The following LYRM4 variants were observed in gnomAD, a reference collection of about 807,000 sequenced individuals.
LYRM4 encodes the protein LYR motif containing 4, also known as LYR motif-containing protein 4.
In LYRM4, 9 loss-of-function variants were observed where a neutral mutation model predicts 11.7. The ratio of observed to expected loss-of-function variants is 0.77; its 90% confidence interval spans 0.46 to 1.34. The LOEUF (loss-of-function observed/expected upper bound fraction) is 1.34, where lower values mean the gene tolerates loss of function less well. Ranked by LOEUF, LYRM4 falls within the 40% of genes most tolerant of loss-of-function variation. The pLI, the probability that LYRM4 is intolerant of heterozygous loss-of-function variation, is 0.00. For missense variants in LYRM4, 133 were observed against 112.5 expected (o/e 1.18, Z -0.82); for synonymous variants, 42 against 40.4 (o/e 1.04, Z -0.15).
the LYRM4 span, among the ~76,000 whole-genome samples, chr6:5,038,931 A>G: frequency 4.3e-4 from 4 of 9,332 alleles, no homozygotes; most frequent in African/African-American, 9.3e-4. Flanking sequence ...AGGGAGAGGG[A>G]GAGCTTTAGC....
chr6:5,257,296 G>A (rs1443661909), intron 1 of LYRM4, among the ~76,000 whole-genome samples: 1 of 152,032 alleles, frequency 6.6e-6, no homozygotes, highest in Non-Finnish European at 1.5e-5. Flanking sequence ...GTGCTGTGCT[G>A]TTTGCCTGCC....
chr6:5,133,092 A>G (rs1015554591), intron 2 of LYRM4, among the ~76,000 whole-genome samples: 2 of 152,292 alleles, frequency 1.3e-5, no homozygotes, highest in East Asian at 3.9e-4. Flanking sequence ...TGTGTTGGGC[A>G]GGGTGTGTGT....
chr6:5,176,658 G>A (rs993194248), intron 2 of LYRM4, among the ~76,000 whole-genome samples: 5 of 152,192 alleles, frequency 3.3e-5, no homozygotes, highest in African/African-American at 1.2e-4. Context: ...GAGGCCTGAA[G>A]CACTGAAGGA....
intron 2 of LYRM4, among the ~76,000 whole-genome samples, chr6:5,148,669 C>CTG (rs1190009476): frequency 6.7e-6 from 1 of 148,524 alleles, no homozygotes; most frequent in Non-Finnish European, 1.5e-5. Context: ...ACACCTCTCT[C>CTG]TCTCTCTCTC....
the LYRM4 span, among the ~76,000 whole-genome samples, chr6:5,037,545 C>G: frequency 0.013 from 713 of 55,332 alleles, no homozygotes; most frequent in Middle Eastern, 0.075. Context: ...AGACGGGGTC[C>G]TGGCCGGGCA....
chr6:5,057,216 T>G, the LYRM4 span, among the ~76,000 whole-genome samples: 1 of 152,062 alleles, frequency 6.6e-6, no homozygotes, highest in African/African-American at 2.4e-5. Flanking sequence ...CTAGGAGACC[T>G]GGGGGCCCAC....
the LYRM4 span, among the ~76,000 whole-genome samples, chr6:5,091,336 T>G: frequency 6.6e-6 from 1 of 152,200 alleles, no homozygotes; most frequent in African/African-American, 2.4e-5. Context: ...CACTGTTTTT[T>G]GCTTCCAGAC....
the LYRM4 span, among the ~76,000 whole-genome samples, chr6:5,079,966 A>G: frequency 6.6e-6 from 1 of 152,236 alleles, no homozygotes; most frequent in Non-Finnish European, 1.5e-5. Flanking sequence ...TGACTGGAAT[A>G]CTTCCAATGT....
chr6:5,081,240 A>G, the LYRM4 span, among the ~76,000 whole-genome samples: 1 of 151,922 alleles, frequency 6.6e-6, no homozygotes, highest in Non-Finnish European at 1.5e-5. Context: ...CAGAGTAGAG[A>G]AGACCTGGGC....
At chr6:5,210,036 GA>G (rs1761912786) in intron 2 of LYRM4, among the ~76,000 whole-genome samples, 1 of 152,210 alleles carries the variant, frequency 6.6e-6, no homozygotes, top group African/African-American at 2.4e-5. Context: ...CAATATGAAT[GA>G]AATAATTCAA....
At chr6:5,055,829 C>A in the LYRM4 span, among the ~76,000 whole-genome samples, 4 of 152,154 alleles carry the variant, frequency 2.6e-5, no homozygotes, top group Non-Finnish European at 5.9e-5. The surrounding 1 kb of genome is among the most constrained non-coding windows in gnomAD (Gnocchi z 4.5). Flanking sequence ...AAGGGACTCA[C>A]CAACATAACC....
At chr6:5,256,264 C>T (rs573387686) in intron 1 of LYRM4, among the ~76,000 whole-genome samples, 11 of 151,694 alleles carry the variant, frequency 7.3e-5, no homozygotes, top group South Asian at 2.1e-4. Context: ...CCGAGGTGGG[C>T]GGATCACCTT....
intron 2 of LYRM4, among the ~76,000 whole-genome samples, chr6:5,178,254 G>T (rs1759837116): frequency 6.6e-6 from 1 of 152,076 alleles, no homozygotes; most frequent in South Asian, 2.1e-4. Flanking sequence ...TCAGAGTCAA[G>T]TATGAAGAAA....
At chr6:5,072,647 C>T in the LYRM4 span, among the ~76,000 whole-genome samples, 6 of 150,448 alleles carry the variant, frequency 4.0e-5, no homozygotes, top group African/African-American at 1.2e-4. Context: ...GGCACGATCT[C>T]GGCTCACTGC....
chr6:5,165,227 T>A (rs889062105), intron 2 of LYRM4, among the ~76,000 whole-genome samples: 1 of 152,202 alleles, frequency 6.6e-6, no homozygotes, highest in Non-Finnish European at 1.5e-5. Context: ...ATTCAAATGA[T>A]CACTTATTGT....
chr6:5,048,000 C>T, the LYRM4 span, among the ~76,000 whole-genome samples: 758 of 152,280 alleles, frequency 5.0e-3, 7 homozygotes, highest in African/African-American at 0.017. Context: ...CAATCCCCTT[C>T]AATAGTTTTC....
At chr6:5,247,818 G>C (rs187974628) in intron 1 of LYRM4, among the ~76,000 whole-genome samples, 7 of 152,210 alleles carry the variant, frequency 4.6e-5, no homozygotes, top group African/African-American at 7.2e-5. Context: ...ATTACTCTGA[G>C]AGCAGACATA....
chr6:5,105,905 CACG>C (rs1762650307), downstream of LYRM4: 1 of 152,440 alleles, frequency 6.6e-6, no homozygotes, highest in African/African-American at 2.4e-5. Context: ...CAAGGCCGTC[CACG>C]ATGTGGAAAG....
the LYRM4 span, among the ~76,000 whole-genome samples, chr6:5,037,716 G>A: frequency 2.0e-5 from 1 of 49,220 alleles, no homozygotes; most frequent in African/African-American, 5.2e-5. Flanking sequence ...TCCCGGACGG[G>A]GCGGCTGGCC....
Sources: allele counts gnomAD v4.1 joint callset (sites outside exome capture counted in the v4.1 genomes callset), GRCh38; gene constraint gnomAD v4.1.1; non-coding constraint Gnocchi (gnomAD v3.1); transcripts MANE v1.5; gene names NCBI Gene and HGNC (gene_info 2026-07-23, HGNC 2026-07-21).